Variants in HPSE2 observed in about 807,000 individuals in gnomAD.
HPSE2 encodes the protein heparanase 2 (inactive), also known as inactive heparanase-2.
Under a neutral mutation model 60.5 loss-of-function variants are expected in HPSE2, and 38 were observed. The ratio of observed to expected loss-of-function variants is 0.63; its 90% CI spans 0.48 to 0.82. HPSE2 has a LOEUF of 0.82. HPSE2 is among the 40% of genes least tolerant of loss of function. HPSE2 has a pLI of 0.00. For missense variants in HPSE2, 713 were observed against 740.4 expected (o/e 0.96, Z 0.43); for synonymous variants, 295 against 293.2 (o/e 1.01, Z -0.06).
intron 9 of HPSE2, among the ~76,000 whole-genome samples, chr10:98,526,817 G>A (rs1942981056): frequency 6.6e-6 from 1 of 152,094 alleles, no homozygotes; most frequent in Non-Finnish European, 1.5e-5. Context: ...GGGGTTGAGG[G>A]GATGAAGCTG....
intron 11 of HPSE2, among the ~76,000 whole-genome samples, chr10:98,475,039 A>G (rs1050994136): frequency 6.6e-6 from 1 of 152,132 alleles, no homozygotes; most frequent in Non-Finnish European, 1.5e-5. Flanking sequence ...AAACATTCAC[A>G]TTGAACTTTA....
intron 6 of HPSE2, among the ~76,000 whole-genome samples, chr10:98,687,825 A>G (rs1457032981): frequency 6.6e-6 from 1 of 151,990 alleles, no homozygotes; most frequent in Non-Finnish European, 1.5e-5. Flanking sequence ...TTTATTTTCA[A>G]TCTGTGTCTT....
At chr10:98,606,978 G>A (rs1255376229) in intron 9 of HPSE2, among the ~76,000 whole-genome samples, 1 of 151,958 alleles carries the variant, frequency 6.6e-6, no homozygotes, top group Non-Finnish European at 1.5e-5. Flanking sequence ...TCATATCGTG[G>A]CATTCACAAA....
chr10:98,758,232 A>G (rs1406780242), intron 3 of HPSE2, among the ~76,000 whole-genome samples: 2 of 151,680 alleles, frequency 1.3e-5, no homozygotes, highest in Non-Finnish European at 2.9e-5. Context: ...AACTATAAAA[A>G]CCCTAGAAAA....
intron 5 of HPSE2, among the ~76,000 whole-genome samples, chr10:98,719,855 G>T (rs1948880295): frequency 1.3e-5 from 2 of 151,884 alleles, no homozygotes; most frequent in Non-Finnish European, 2.9e-5. Context: ...ACAAAAATTA[G>T]CCAGGCATGG....
intron 3 of HPSE2, among the ~76,000 whole-genome samples, chr10:99,124,639 T>C (rs1234215899): frequency 6.6e-6 from 1 of 152,230 alleles, no homozygotes; most frequent in Non-Finnish European, 1.5e-5. Flanking sequence ...GTTGCAACAG[T>C]ACCCAGGCTT....
At chr10:98,852,113 A>ATATATATGTGTGTGTGTGTG (rs779720749) in intron 3 of HPSE2, among the ~76,000 whole-genome samples, 130 of 91,912 alleles carry the variant, frequency 1.4e-3, no homozygotes, top group Middle Eastern at 6.4e-3. Flanking sequence ...GTATATTATG[A>ATATATATGTGTGTGTGTGTG]TGTGTGTGTG....
intron 9 of HPSE2, among the ~76,000 whole-genome samples, chr10:98,534,474 T>C (rs955612352): frequency 1.3e-5 from 2 of 152,118 alleles, no homozygotes; most frequent in African/African-American, 4.8e-5. Flanking sequence ...ATGTGATCTC[T>C]GCTCACTGCA....
the HPSE2 span, among the ~76,000 whole-genome samples, chr10:99,260,325 G>T: frequency 6.6e-6 from 1 of 151,858 alleles, no homozygotes; most frequent in Admixed American, 6.6e-5. Flanking sequence ...ACAGATGCGC[G>T]TGACATTTGG....
At chr10:99,068,283 G>A (rs1842677380) in intron 3 of HPSE2, among the ~76,000 whole-genome samples, 1 of 152,110 alleles carries the variant, frequency 6.6e-6, no homozygotes, top group African/African-American at 2.4e-5. Flanking sequence ...CCACTACTCG[G>A]TACCAATTTA....
intron 3 of HPSE2, among the ~76,000 whole-genome samples, chr10:99,118,329 C>A (rs1293231022): frequency 6.6e-6 from 1 of 151,842 alleles, no homozygotes; most frequent in Non-Finnish European, 1.5e-5. Flanking sequence ...CGAGACCATC[C>A]TGGCTAACAT....
chr10:99,295,456 GA>G, the HPSE2 span, among the ~76,000 whole-genome samples: 2 of 151,950 alleles, frequency 1.3e-5, no homozygotes, highest in Non-Finnish European at 2.9e-5. Flanking sequence ...AATGTTAAGT[GA>G]AAAAAAGCAA....
At chr10:99,042,029 AT>A (rs1189843304) in intron 3 of HPSE2, among the ~76,000 whole-genome samples, 4 of 152,204 alleles carry the variant, frequency 2.6e-5, no homozygotes, top group Non-Finnish European at 5.9e-5. Context: ...AATTTTAGGT[AT>A]AAAAACCCAA....
intron 3 of HPSE2, among the ~76,000 whole-genome samples, chr10:98,751,184 C>G (rs10786467): frequency 0.038 from 5,756 of 152,142 alleles, 240 homozygotes; most frequent in East Asian, 0.17. Flanking sequence ...TTGACAGAGA[C>G]GATTAACATT....
At chr10:98,598,343 G>GT (rs35793319) in intron 9 of HPSE2, among the ~76,000 whole-genome samples, 58,448 of 151,696 alleles carry the variant, frequency 0.39, 11,414 homozygotes, top group East Asian at 0.51. Flanking sequence ...CAGGCCTGGT[G>GT]TAAGTCCTCA....
At chr10:98,841,472 TA>T (rs1565202821) in intron 3 of HPSE2, among the ~76,000 whole-genome samples, 2 of 152,252 alleles carry the variant, frequency 1.3e-5, no homozygotes, top group African/African-American at 2.4e-5. Context: ...TTAGCTTTAT[TA>T]AAAAAAGGTA....
chr10:98,556,605 G>C (rs1345987780), intron 9 of HPSE2, among the ~76,000 whole-genome samples: 1 of 152,128 alleles, frequency 6.6e-6, no homozygotes, highest in Non-Finnish European at 1.5e-5. Context: ...TATATCTAAT[G>C]AAAGTAGGTA....
intron 3 of HPSE2, among the ~76,000 whole-genome samples, chr10:98,780,892 T>C (rs1950449972): frequency 6.6e-6 from 1 of 152,100 alleles, no homozygotes; most frequent in African/African-American, 2.4e-5. Context: ...CAAAAGAACA[T>C]TTCCTGGATT....
At chr10:99,231,988 C>T (rs1225534886) in intron 2 of HPSE2, among the ~76,000 whole-genome samples, 1 of 152,142 alleles carries the variant, frequency 6.6e-6, no homozygotes, top group Non-Finnish European at 1.5e-5. Flanking sequence ...ATCTACACCC[C>T]GCAGGAACAG....
Sources: allele counts gnomAD v4.1 joint callset (sites outside exome capture counted in the v4.1 genomes callset), GRCh38; gene constraint gnomAD v4.1.1; transcripts MANE v1.5; gene names NCBI Gene and HGNC (gene_info 2026-07-23, HGNC 2026-07-21).